BCL2: variants seen among roughly 807,000 people sequenced by gnomAD.
BCL2 encodes BCL2 apoptosis regulator, also known as apoptosis regulator Bcl-2.
BCL2 carries 1 observed loss-of-function variant against 14.2 expected under a neutral mutation model. That is an observed-to-expected ratio of 0.07 (90% confidence interval 0.02 to 0.33). The LOEUF (loss-of-function observed/expected upper bound fraction) is 0.33, where lower values mean the gene tolerates loss of function less well. Among genes scored for constraint, BCL2 ranks in the 10% least tolerant of loss-of-function variants. BCL2 has a pLI of 0.99. For synonymous variants in BCL2, 151 were observed against 137.2 expected, an observed-to-expected ratio of 1.10 and a Z score of -0.70; for missense variants, 247 against 305.9, an observed-to-expected ratio of 0.81 and a Z score of 1.44.
rs1384760806 is a variant in BCL2 at position 63,302,669 on chromosome 18, G to A, written c.585+15413C>T. On this transcript the variant is annotated intron_variant, in intron 2 of 2. Transcript: ENST00000333681. ...TGAGTTAAATATTCAACCTATATATGTTTCATAACACAAGAGATATATAAA... is the reference window on the plus strand; with the variant it reads ...TGAGTTAAATATTCAACCTATATATATTTCATAACACAAGAGATATATAAA... The A allele has an allele frequency of 6.1e-6, 6 of 984,390 alleles. No individual in the cohort carries two copies. The African/African-American group carries it at 8.7e-5, about 14-fold the overall frequency. The allele number at this position is 984,390 out of a possible 1,614,324, so 61.0% of individuals were successfully genotyped here.
chr18:63,189,950 G>A (rs1568228570), intron 2 of BCL2, among the ~76,000 whole-genome samples: 2 of 152,122 alleles, frequency 1.3e-5, no homozygotes, highest in East Asian at 1.9e-4. Flanking sequence ...TGGAAAAGTG[G>A]TCTATTGGGT....
intron 2 of BCL2, among the ~76,000 whole-genome samples, chr18:63,247,013 C>T (rs950516140): frequency 1.3e-5 from 2 of 152,128 alleles, no homozygotes; most frequent in Admixed American, 1.3e-4. Context: ...TGAGTGATGT[C>T]TTCAACACTA....
At chr18:63,293,285 A>G (rs1233391739) in intron 2 of BCL2, among the ~76,000 whole-genome samples, 1 of 152,226 alleles carries the variant, frequency 6.6e-6, no homozygotes. Flanking sequence ...AAACCAAAAC[A>G]TATTCAAACC....
At chr18:63,151,363 T>C (rs1914647578) in intron 2 of BCL2, 1 of 152,106 alleles carries the variant, frequency 6.6e-6, no homozygotes, top group South Asian at 2.1e-4. Flanking sequence ...AAAATGCAAC[T>C]ACTCCTTTCC....
At chr18:63,230,928 C>T (rs1272450538) in intron 2 of BCL2, among the ~76,000 whole-genome samples, 3 of 151,676 alleles carry the variant, frequency 2.0e-5, no homozygotes, top group African/African-American at 7.3e-5. Context: ...GCAAAAATTC[C>T]AGCAGTATAG....
chr18:63,151,964 C>T (rs1914663310), intron 2 of BCL2, among the ~76,000 whole-genome samples: 2 of 152,146 alleles, frequency 1.3e-5, no homozygotes, highest in African/African-American at 4.8e-5. Flanking sequence ...AAGAAGGAAA[C>T]TTAGTAGCTG....
At chr18:63,141,700 T>C (rs561978202) in intron 2 of BCL2, among the ~76,000 whole-genome samples, 1 of 152,208 alleles carries the variant, frequency 6.6e-6, no homozygotes, top group Non-Finnish European at 1.5e-5. Context: ...CCACCAACTC[T>C]TTTTTCTTGG....
chr18:63,256,859 C>A (rs1054856425), intron 2 of BCL2, among the ~76,000 whole-genome samples: 1 of 152,162 alleles, frequency 6.6e-6, no homozygotes, highest in African/African-American at 2.4e-5. Flanking sequence ...ATGTTCTACT[C>A]TATTAAAACC....
chr18:63,190,882 G>A (rs1909272312), intron 2 of BCL2, among the ~76,000 whole-genome samples: 1 of 152,132 alleles, frequency 6.6e-6, no homozygotes. Flanking sequence ...AGGCTCCAGT[G>A]TGTTGTTCCC....
intron 2 of BCL2, among the ~76,000 whole-genome samples, chr18:63,155,085 A>T (rs1196508279): frequency 6.6e-6 from 1 of 152,154 alleles, no homozygotes; most frequent in Non-Finnish European, 1.5e-5. Context: ...CAACTTATTC[A>T]TCTATAAGAA....
At chr18:63,230,428 T>C (rs933098692) in intron 2 of BCL2, among the ~76,000 whole-genome samples, 2 of 151,966 alleles carry the variant, frequency 1.3e-5, no homozygotes, top group African/African-American at 4.8e-5. Flanking sequence ...TCAAAAACAA[T>C]AGAAGAAAAT....
At chr18:63,226,780 G>A (rs1910560500) in intron 2 of BCL2, among the ~76,000 whole-genome samples, 1 of 151,188 alleles carries the variant, frequency 6.6e-6, no homozygotes, top group East Asian at 1.9e-4. Flanking sequence ...GGAGGGACAG[G>A]AATAAAAAAG....
chr18:63,191,038 CT>C (rs1348049243), intron 2 of BCL2, among the ~76,000 whole-genome samples: 1 of 152,146 alleles, frequency 6.6e-6, no homozygotes, highest in African/African-American at 2.4e-5. Context: ...GATCTTATTC[CT>C]TTTTATGGCT....
chr18:63,237,153 C>G (rs1313170283), intron 2 of BCL2, among the ~76,000 whole-genome samples: 2 of 152,124 alleles, frequency 1.3e-5, no homozygotes, highest in East Asian at 1.9e-4. Flanking sequence ...ACCACGACCC[C>G]TCTCCCAGCC....
In BCL2 at chr18:63,260,516, C is replaced by T. The variant is rs561636825; in HGVS notation, c.585+57566G>A. On this transcript the variant is annotated intron_variant, in intron 2 of 2. Transcript: ENST00000333681. ...AGCTGCCCTGTCCATGAGCCAGGCA[C>T]GCCCTGGTCAGCAGGGGCGGACGAT... Among the ~76,000 whole-genome samples the T allele has an allele frequency of 2.6e-4, 40 of 152,310 alleles. 1 individual carries two copies. The South Asian group carries it at 6.2e-3, about 24-fold the overall frequency.
At chr18:63,139,643 C>A (rs569635285) in intron 2 of BCL2, among the ~76,000 whole-genome samples, 3 of 152,302 alleles carry the variant, frequency 2.0e-5, no homozygotes, top group East Asian at 3.9e-4. Context: ...TTAAGGCACA[C>A]CTGAAGAGGC....
chr18:63,228,794 C>T (rs997016441), intron 2 of BCL2, among the ~76,000 whole-genome samples: 13 of 152,134 alleles, frequency 8.5e-5, no homozygotes, highest in South Asian at 4.1e-4. Flanking sequence ...CTGCAACCTC[C>T]GCCTCCCGGG....
chr18:63,143,354 C>A (rs1358989683), intron 2 of BCL2, among the ~76,000 whole-genome samples: 1 of 152,214 alleles, frequency 6.6e-6, no homozygotes, highest in South Asian at 2.1e-4. Context: ...GCTGGCTGAC[C>A]TGACCCAAGG....
intron 2 of BCL2, among the ~76,000 whole-genome samples, chr18:63,212,251 C>T (rs1910040572): frequency 6.6e-6 from 1 of 151,548 alleles, no homozygotes; most frequent in South Asian, 2.1e-4. Flanking sequence ...TTGCTTGAAC[C>T]CAGGAGGCAG....
Sources: gnomAD v4.1 joint callset for allele counts (sites outside exome capture counted in the v4.1 genomes callset) on GRCh38, gnomAD v4.1.1 for gene constraint, MANE v1.5 for transcripts, NCBI Gene and HGNC (gene_info 2026-07-23, HGNC 2026-07-21) for gene names.